The following ANOS1 variants were observed in gnomAD, a reference collection of about 807,000 sequenced individuals.
The protein encoded by ANOS1 is anosmin 1, also known as anosmin-1.
ANOS1 carries 6 observed loss-of-function variants against 59.0 expected under a neutral mutation model. The observed-to-expected ratio is 0.10, with a 90% confidence interval of 0.06 to 0.20. The LOEUF (loss-of-function observed/expected upper bound fraction) is 0.20, where lower values mean the gene tolerates loss of function less well. Among genes scored for constraint, ANOS1 ranks in the 10% least tolerant of loss-of-function variants. The pLI, the probability that ANOS1 is intolerant of heterozygous loss-of-function variation, is 1.00. For synonymous variants in ANOS1, 217 were observed against 223.4 expected, an observed-to-expected ratio of 0.97 and a Z score of 0.25; for missense variants, 433 against 542.3, an observed-to-expected ratio of 0.80 and a Z score of 2.00.
chrX:8,579,787 C>A (rs1266604544), intron 6 of ANOS1, among the ~76,000 whole-genome samples: 1 of 111,762 alleles, frequency 8.9e-6, no homozygotes, highest in Non-Finnish European at 1.9e-5. Flanking sequence ...CTTAACCCCC[C>A]TCCAGCGAGG....
intron 5 of ANOS1, among the ~76,000 whole-genome samples, chrX:8,585,723 C>A (rs145823754): frequency 8.9e-6 from 1 of 112,317 alleles, no homozygotes; most frequent in African/African-American, 3.2e-5. Flanking sequence ...TGTTACATTA[C>A]AGCAAGAAGA....
rs183116251 is a variant in ANOS1 at position 8,725,774 on chromosome X, T to C, written c.207+6056A>G. ...TATATACAGATATATATATTTGATA[T>C]ACTGCATAAAGAAATAAACAAGTTA... On this transcript the variant is annotated intron_variant, in intron 1 of 13. Transcript: ENST00000262648. Among the ~76,000 whole-genome samples, 361 of 103,241 alleles carry C rather than the reference T, an allele frequency of 3.5e-3. 4 individuals are homozygous for C. Among genetic ancestry groups the C allele is most frequent in the African/African-American group, 7.1e-3 (204 of 28,658 alleles). The allele number at this position is 103,241 out of a possible 115,157, so 89.7% of individuals were successfully genotyped here. A position where few individuals can be genotyped will look rare whatever the true frequency, so the allele number is the denominator to read the frequency against.
chrX:8,693,759 G>A (rs1040140388), intron 2 of ANOS1, among the ~76,000 whole-genome samples: 2 of 56,992 alleles, frequency 3.5e-5, no homozygotes, highest in African/African-American at 1.5e-4. Context: ...TTTTTTTTTA[G>A]ACAGAGTCTC....
intron 2 of ANOS1, among the ~76,000 whole-genome samples, chrX:8,643,358 T>C (rs1931697115): frequency 9.0e-6 from 1 of 111,517 alleles, no homozygotes; most frequent in Non-Finnish European, 1.9e-5. Context: ...GTTGGGCCCT[T>C]TCATTTTGTG....
intron 2 of ANOS1, among the ~76,000 whole-genome samples, chrX:8,628,484 A>G (rs1298360035): frequency 9.0e-6 from 1 of 111,650 alleles, no homozygotes; most frequent in Non-Finnish European, 1.9e-5. Flanking sequence ...GAAGCCAAGA[A>G]CCCATGTGGC....
chrX:8,615,623 T>A (rs1931160502), intron 3 of ANOS1, among the ~76,000 whole-genome samples: 1 of 111,026 alleles, frequency 9.0e-6, no homozygotes, highest in African/African-American at 3.3e-5. Flanking sequence ...CTTTGTCTGG[T>A]CCTTACTCTC....
intron 2 of ANOS1, among the ~76,000 whole-genome samples, chrX:8,656,101 T>C (rs1931926706): frequency 1.8e-5 from 2 of 111,920 alleles, no homozygotes; most frequent in South Asian, 7.5e-4. Context: ...AATCAGAAAA[T>C]TGAAAGAGGC....
At chrX:8,695,273 C>T (rs1026375708) in intron 2 of ANOS1, among the ~76,000 whole-genome samples, 1 of 112,058 alleles carries the variant, frequency 8.9e-6, no homozygotes, top group African/African-American at 3.2e-5. Context: ...GATCATGCCA[C>T]TGCACTCCAG....
intron 2 of ANOS1, among the ~76,000 whole-genome samples, chrX:8,630,611 T>C (rs1304636838): frequency 9.0e-6 from 1 of 111,687 alleles, no homozygotes; most frequent in Non-Finnish European, 1.9e-5. Context: ...ATAAGGATAA[T>C]ATTGAATGTA....
At chrX:8,585,523 G>A in intron 5 of ANOS1, 127 bp from the exon 6 acceptor site, 1 of 741,503 alleles carries the variant, frequency 1.3e-6, no homozygotes, top group African/African-American at 2.0e-5. Context: ...CCCCTGATAA[G>A]AGGGGCTTAT....
At chrX:8,648,988 G>A (rs1009540347) in intron 2 of ANOS1, among the ~76,000 whole-genome samples, 3 of 111,227 alleles carry the variant, frequency 2.7e-5, no homozygotes, top group African/African-American at 6.5e-5. Context: ...ACCAATAAAC[G>A]GACAGTCTCC....
At chrX:8,635,941 A>T (rs1049703930) in intron 2 of ANOS1, among the ~76,000 whole-genome samples, 1 of 111,182 alleles carries the variant, frequency 9.0e-6, no homozygotes, top group Non-Finnish European at 1.9e-5. Flanking sequence ...ATTAGATCAG[A>T]TTTTGCGTAA....
At chrX:8,661,832 G>T (rs934014416) in intron 2 of ANOS1, among the ~76,000 whole-genome samples, 1 of 111,107 alleles carries the variant, frequency 9.0e-6, no homozygotes. Context: ...GTTTCAACTA[G>T]CCCTTCTGCC....
chrX:8,547,232 T>C (rs750019515), intron 9 of ANOS1, among the ~76,000 whole-genome samples: 1 of 111,480 alleles, frequency 9.0e-6, no homozygotes, highest in South Asian at 3.8e-4. Flanking sequence ...AAATCCAAGC[T>C]TCCTGGCATA....
chrX:8,706,982 G>A (rs1932783635), intron 1 of ANOS1, among the ~76,000 whole-genome samples: 1 of 111,515 alleles, frequency 9.0e-6, no homozygotes, highest in Admixed American at 9.6e-5. Flanking sequence ...ACTTCAACCA[G>A]GAAGCCTTCC....
At chrX:8,697,521 T>C (rs762453170) in intron 2 of ANOS1, among the ~76,000 whole-genome samples, 115 of 111,002 alleles carry the variant, frequency 1.0e-3, no homozygotes, top group African/African-American at 3.7e-3. Flanking sequence ...GAATGGCAGG[T>C]TGGAGGTGGG....
At chrX:8,554,568 T>G (rs570522338) in intron 8 of ANOS1, among the ~76,000 whole-genome samples, 4,319 of 94,741 alleles carry the variant, frequency 0.046, 328 homozygotes, top group African/African-American at 0.16. Flanking sequence ...TTTTTTTTTT[T>G]TTGTTGTTGT....
intron 2 of ANOS1, among the ~76,000 whole-genome samples, chrX:8,696,247 C>T (rs1932683577): frequency 8.9e-6 from 1 of 112,039 alleles, no homozygotes; most frequent in African/African-American, 3.2e-5. Context: ...GGGAAGAGAA[C>T]AAATGAGTGC....
chrX:8,573,871 T>C (rs1461928047), intron 6 of ANOS1, among the ~76,000 whole-genome samples: 1 of 111,826 alleles, frequency 8.9e-6, no homozygotes, highest in African/African-American at 3.3e-5. Flanking sequence ...GTGTTAGCAC[T>C]ACCTTCAAAG....
Sources: allele counts gnomAD v4.1 joint callset (sites outside exome capture counted in the v4.1 genomes callset), GRCh38; gene constraint gnomAD v4.1.1; transcripts MANE v1.5; gene names NCBI Gene and HGNC (gene_info 2026-07-23, HGNC 2026-07-21).